Variants in FLT1 observed in about 807,000 individuals in gnomAD.
FLT1 encodes vascular endothelial growth factor receptor 1.
A neutral mutation model predicts 156.3 loss-of-function variants in FLT1; 49 were observed. The ratio of observed to expected loss-of-function variants is 0.31; its 90% CI spans 0.25 to 0.40. The LOEUF (loss-of-function observed/expected upper bound fraction) is 0.40. Among genes scored for constraint, FLT1 ranks in the 10% least tolerant of loss-of-function variants. FLT1 has a pLI of 1.00. For synonymous variants in FLT1, 594 were observed against 583.8 expected (o/e 1.02, Z -0.25); for missense variants, 1,322 against 1,637.2 (o/e 0.81, Z 3.32).
rs779311039 is a variant in FLT1 at position 28,390,123 on chromosome 13, G to A, written c.1661-19C>T. 2.5e-6 allele frequency: 4 copies of A among 1,608,476 alleles called. No homozygotes were observed. The highest frequency in any genetic ancestry group is 3.4e-6 in the Non-Finnish European group (4 of 1,175,564). On this transcript the variant is annotated intron_variant, in intron 12 of 29. Coordinates refer to ENST00000282397, the MANE Select transcript of FLT1 (RefSeq NM_002019.4). ...GGCACATCTATAAAATAAGAATAAAGAACTTCAGTTCACAGAAAAATCAGT... is the reference window on the plus strand; with the variant it reads ...GGCACATCTATAAAATAAGAATAAAAAACTTCAGTTCACAGAAAAATCAGT...
chr13:28,374,887 C>T (rs933596308), intron 14 of FLT1, among the ~76,000 whole-genome samples: 20 of 152,204 alleles, frequency 1.3e-4, no homozygotes, highest in Non-Finnish European at 2.4e-4. Context: ...AACACACACA[C>T]ACCCCACCAC....
chr13:28,399,136 T>C (rs1029907187), intron 11 of FLT1: 1 of 1,523,618 alleles, frequency 6.6e-7, no homozygotes. Context: ...ACAGGAGAGA[T>C]CGTCAAATAC....
At position 28,427,167 on chromosome 13, in the gene FLT1, G is replaced by C. The variant is rs758830785; in HGVS notation, c.1428C>G (p.Ser476=). ...WFWHPCNHNH[S]EARCDFCSNN... ...AAACTGACTGTCCCTACCTTGCTTC[G>C]GAATGATTATGGTTACAGGGGTGCC... The change falls in exon 10 of 30, where the codon TCC becomes TCG. Residue 476 remains serine (S), a synonymous_variant. Coordinates refer to ENST00000282397, the MANE Select transcript of FLT1 (RefSeq NM_002019.4). 1.1e-5 allele frequency: 18 copies of C among 1,613,732 alleles called. No homozygotes were observed. Among genetic ancestry groups the C allele is most frequent in the Non-Finnish European group, 1.4e-5 (17 of 1,179,768 alleles).
In FLT1 at chr13:28,439,315, C is replaced by G. The variant is rs11616435; in HGVS notation, c.389-970G>C. ...CCTTATATACTAAATGGAAAGAAGT[C>G]CTGTGTGAACTCTCTCCATTTGGAC... On this transcript the variant is annotated intron_variant, in intron 3 of 29. Transcript: ENST00000282397. The surrounding 1 kb of genome is among the most constrained non-coding windows in gnomAD (Gnocchi z 4.1). Among the ~76,000 whole-genome samples the G allele has an allele frequency of 0.056, 8,585 of 152,278 alleles. 452 individuals are homozygous for G. The highest frequency in any genetic ancestry group is 0.17 in the Admixed American group (2,620 of 15,302).
At chr13:28,454,979 C>T (rs1371749951) in intron 3 of FLT1, among the ~76,000 whole-genome samples, 1 of 152,032 alleles carries the variant, frequency 6.6e-6, no homozygotes, top group African/African-American at 2.4e-5. Context: ...AGGAAAACTA[C>T]AAAACTATGA....
intron 3 of FLT1, among the ~76,000 whole-genome samples, chr13:28,460,797 TACACACACAC>T (rs369507550): frequency 4.1e-5 from 6 of 145,932 alleles, no homozygotes; most frequent in African/African-American, 1.2e-4. Flanking sequence ...TCAGACCCAT[TACACACACAC>T]ACACACACAC....
intron 10 of FLT1, among the ~76,000 whole-genome samples, chr13:28,420,291 T>C (rs1008995163): frequency 1.3e-5 from 2 of 152,244 alleles, no homozygotes; most frequent in Non-Finnish European, 2.9e-5. Flanking sequence ...TTTATTTGGC[T>C]GTTTGTTCAA....
chr13:28,339,895 A>C (rs1217993347), intron 16 of FLT1, among the ~76,000 whole-genome samples: 2 of 152,152 alleles, frequency 1.3e-5, no homozygotes, highest in Non-Finnish European at 2.9e-5. Context: ...ATCCTGAGTG[A>C]GACTGGAATA....
intron 3 of FLT1, among the ~76,000 whole-genome samples, chr13:28,458,965 T>A (rs1031703083): frequency 6.6e-6 from 1 of 152,224 alleles, no homozygotes; most frequent in African/African-American, 2.4e-5. Context: ...AGTGTGTATT[T>A]TAAACCCTAG....
intron 16 of FLT1, among the ~76,000 whole-genome samples, chr13:28,344,387 C>G (rs1336375939): frequency 1.3e-5 from 2 of 152,162 alleles, no homozygotes; most frequent in East Asian, 3.8e-4. Flanking sequence ...TGACACTCCT[C>G]CTACACATCT....
intron 1 of FLT1, among the ~76,000 whole-genome samples, chr13:28,479,604 T>C (rs2137651864): frequency 6.6e-6 from 1 of 152,330 alleles, no homozygotes; most frequent in East Asian, 1.9e-4. Context: ...TTAAAAGTAG[T>C]ACATTTTCAC....
At chr13:28,303,543 C>T (rs548076325) in intron 29 of FLT1, among the ~76,000 whole-genome samples, 175 bp from the exon 30 acceptor site, 5 of 149,710 alleles carry the variant, frequency 3.3e-5, no homozygotes, top group Non-Finnish European at 7.4e-5. Context: ...AAGCTGCACA[C>T]GGCCTCCCTC....
chr13:28,435,239 A>G (rs1360919016), intron 4 of FLT1, among the ~76,000 whole-genome samples: 2 of 152,230 alleles, frequency 1.3e-5, no homozygotes, highest in African/African-American at 4.8e-5. Flanking sequence ...AATGCTCAGA[A>G]GTATTCCCAA....
chr13:28,490,103 G>A (rs1004522490), intron 1 of FLT1, among the ~76,000 whole-genome samples: 5 of 152,164 alleles, frequency 3.3e-5, no homozygotes, highest in African/African-American at 4.8e-5. Flanking sequence ...TAGGCCTGCC[G>A]CTAGCCAGCT....
At chr13:28,306,913 T>C in intron 28 of FLT1, 141 bp from the exon 29 acceptor site, 2 of 683,780 alleles carry the variant, frequency 2.9e-6, no homozygotes, top group Non-Finnish European at 5.4e-6. Flanking sequence ...AGACAAAGCA[T>C]TTCTCTAAGT....
chr13:28,347,047 T>C (rs930556331), intron 15 of FLT1, among the ~76,000 whole-genome samples: 1 of 152,154 alleles, frequency 6.6e-6, no homozygotes, highest in Non-Finnish European at 1.5e-5. Flanking sequence ...ACCAAGAGAC[T>C]TAAGGCAAAT....
rs1870454762 is a variant in FLT1, at chr13:28,300,387, T to C, written c.*2780A>G. On this transcript the variant is annotated 3_prime_UTR_variant, in exon 30 of 30. Transcript: ENST00000282397. ...TATTATATGAAGATGGTATACAAAA[T>C]ACATTCATCATGACTAGAAATATAG... The C allele has an allele frequency of 4.3e-6, 1 of 233,150 alleles. No individual in the cohort carries two copies. The highest frequency in any genetic ancestry group is 8.5e-6 in the Non-Finnish European group (1 of 118,066). 14.4% of individuals were successfully genotyped at this position (233,150 alleles called of 1,614,324 possible).
chr13:28,341,220 G>A (rs1393849976), intron 16 of FLT1, among the ~76,000 whole-genome samples: 2 of 152,176 alleles, frequency 1.3e-5, no homozygotes, highest in African/African-American at 2.4e-5. Context: ...GCAGGTGAGA[G>A]GAGACACCAA....
At position 28,306,754 on chromosome 13, in the gene FLT1, T is replaced by C. The variant is rs772147309; in HGVS notation, c.3739A>G (p.Ser1247Gly). The C allele has an allele frequency of 1.4e-5, 22 of 1,613,550 alleles. 1 individual carries two copies. Among genetic ancestry groups the C allele is most frequent in the Non-Finnish European group, 1.7e-5 (20 of 1,179,622 alleles). Reference protein sequence around the residue: ...SMFDDYQGDSSTLLASPMLKR... With the variant: ...SMFDDYQGDSGTLLASPMLKR... Reference sequence around the variant, plus strand: ...AGCATGGGAGAGGCCAACAGAGTGCTGCTGTCGCCCTGGTAGTCCTAGGGG... The same window carrying C: ...AGCATGGGAGAGGCCAACAGAGTGCCGCTGTCGCCCTGGTAGTCCTAGGGG... The change falls in exon 29 of 30, where the codon AGC becomes GGC. Residue 1247 changes from serine (S) to glycine (G), a missense_variant. Ser to Gly is a moderately conservative substitution (Grantham distance 56). Coordinates refer to ENST00000282397, the MANE Select transcript of FLT1 (RefSeq NM_002019.4).
Sources: gnomAD v4.1 joint callset for allele counts (sites outside exome capture counted in the v4.1 genomes callset) on GRCh38, gnomAD v4.1.1 for gene constraint, Gnocchi (gnomAD v3.1) non-coding constraint, MANE v1.5 for transcripts, NCBI Gene and HGNC (gene_info 2026-07-23, HGNC 2026-07-21) for gene names.